Variants in BCL11A observed in about 807,000 individuals in gnomAD.
BCL11A encodes the protein BCL11 transcription factor A.
Under a neutral mutation model 55.9 loss-of-function variants are expected in BCL11A, and 2 were observed. That is an observed-to-expected ratio of 0.04 (90% CI 0.01 to 0.11). BCL11A has a LOEUF of 0.11. BCL11A is among the 10% of genes least tolerant of loss of function. BCL11A has a pLI of 1.00. For missense variants in BCL11A, 817 were observed against 1,137.1 expected (o/e 0.72, Z 4.05); for synonymous variants, 465 against 473.4 (o/e 0.98, Z 0.23).
rs898789738 is a variant in BCL11A, at chr2:60,486,702, A to G, written c.386-17869T>C. ...ACTCAACATCAGGATTGGGCCTGAAACTTCTCTCAGGAAGGCCTTGATAGC... is the reference window on the plus strand; with the variant it reads ...ACTCAACATCAGGATTGGGCCTGAAGCTTCTCTCAGGAAGGCCTTGATAGC... On this transcript the variant is annotated intron_variant, in intron 2 of 3. Coordinates refer to ENST00000642384, the MANE Select transcript of BCL11A (RefSeq NM_022893.4). Among the ~76,000 whole-genome samples the G allele has an allele frequency of 2.6e-5, 4 of 152,212 alleles. 1 individual carries two copies. The highest frequency in any genetic ancestry group is 9.7e-5 in the African/African-American group (4 of 41,442).
chr2:60,478,491 G>A (rs1677760550), intron 2 of BCL11A, among the ~76,000 whole-genome samples: 1 of 152,196 alleles, frequency 6.6e-6, no homozygotes, highest in Non-Finnish European at 1.5e-5. Context: ...TGGACTTCAG[G>A]GGAAGCGTGG....
intron 2 of BCL11A, among the ~76,000 whole-genome samples, chr2:60,529,194 C>A (rs1185915650): frequency 2.0e-5 from 3 of 152,192 alleles, no homozygotes; most frequent in Non-Finnish European, 1.5e-5. Flanking sequence ...ACTTTGAGAC[C>A]CCAGGAGCAC....
chr2:60,541,735 T>C (rs1436569002), intron 2 of BCL11A: 1 of 520,316 alleles, frequency 1.9e-6, no homozygotes, highest in Non-Finnish European at 3.4e-6. Flanking sequence ...ATATTGTTTT[T>C]TGTGGTAGTG....
chr2:60,510,031 G>C (rs1049195358), intron 2 of BCL11A, among the ~76,000 whole-genome samples: 2 of 151,996 alleles, frequency 1.3e-5, no homozygotes, highest in Non-Finnish European at 2.9e-5. Flanking sequence ...TTTTCCCTTC[G>C]AAGTATGTCC....
intron 2 of BCL11A, among the ~76,000 whole-genome samples, chr2:60,469,368 A>G (rs1282500291): frequency 1.3e-5 from 2 of 152,186 alleles, no homozygotes; most frequent in African/African-American, 4.8e-5. Context: ...TTCCCATGCT[A>G]TATTTATGAT....
intron 2 of BCL11A, chr2:60,534,275 G>A (rs1372466306): frequency 6.6e-6 from 1 of 152,244 alleles, no homozygotes; most frequent in Non-Finnish European, 1.5e-5. Context: ...CAGAGCAGCA[G>A]CTGAATGAGA....
chr2:60,552,360 C>G (rs1321094201), intron 1 of BCL11A, among the ~76,000 whole-genome samples: 1 of 152,048 alleles, frequency 6.6e-6, no homozygotes, highest in Non-Finnish European at 1.5e-5. Context: ...AGTCCGGGCT[C>G]CCTCCCTCCC....
chr2:60,473,888 T>C (rs1478707794), intron 2 of BCL11A, among the ~76,000 whole-genome samples: 2 of 152,232 alleles, frequency 1.3e-5, no homozygotes, highest in Non-Finnish European at 2.9e-5. Context: ...GCATTTTTTT[T>C]CCTTCATTGC....
downstream of BCL11A, chr2:60,457,155 A>T: frequency 1.3e-6 from 1 of 754,044 alleles, no homozygotes; most frequent in Non-Finnish European, 1.6e-6. Context: ...CAAGTAATTT[A>T]CAGAGTGTGT....
At chr2:60,548,548 C>T (rs1280647388) in intron 1 of BCL11A, among the ~76,000 whole-genome samples, 2 of 152,168 alleles carry the variant, frequency 1.3e-5, no homozygotes, top group Admixed American at 1.3e-4. Context: ...TACACCTCCA[C>T]ATTTCACCTA....
intron 2 of BCL11A, among the ~76,000 whole-genome samples, chr2:60,506,638 C>A (rs1177974176): frequency 6.6e-6 from 1 of 152,124 alleles, no homozygotes; most frequent in Non-Finnish European, 1.5e-5. Context: ...AGGCAGCTCA[C>A]TAAGAAAACG....
intron 2 of BCL11A, among the ~76,000 whole-genome samples, chr2:60,503,328 C>G (rs1194377802): frequency 6.6e-6 from 1 of 152,186 alleles, no homozygotes; most frequent in African/African-American, 2.4e-5. Context: ...CCTCACTTCT[C>G]CAGGCATTGT....
intron 2 of BCL11A, chr2:60,528,294 C>G (rs150078276): frequency 2.0e-5 from 3 of 152,532 alleles, no homozygotes; most frequent in Non-Finnish European, 4.4e-5. Flanking sequence ...CTTAAAAGTC[C>G]GAGCTTAGTT....
At chr2:60,551,312 C>G (rs2104789066) in intron 1 of BCL11A, among the ~76,000 whole-genome samples, 1 of 152,374 alleles carries the variant, frequency 6.6e-6, no homozygotes, top group African/African-American at 2.4e-5. Flanking sequence ...GAACCTCAGA[C>G]CAAGCCAGGC....
At chr2:60,494,707 T>A (rs926696210) in intron 2 of BCL11A, among the ~76,000 whole-genome samples, 1 of 152,198 alleles carries the variant, frequency 6.6e-6, no homozygotes, top group Non-Finnish European at 1.5e-5. Context: ...TCATAGGGTT[T>A]GTATGAAAAT....
intron 2 of BCL11A, among the ~76,000 whole-genome samples, chr2:60,492,835 C>A (rs766432): frequency 0.8 from 122,296 of 152,128 alleles, 49,447 homozygotes; most frequent in South Asian, 0.85. Context: ...TTAAGGTATA[C>A]TTTACATACA....
intron 2 of BCL11A, among the ~76,000 whole-genome samples, chr2:60,515,683 G>A (rs1280964368): frequency 6.6e-6 from 1 of 152,218 alleles, no homozygotes; most frequent in East Asian, 1.9e-4. Flanking sequence ...CTGAAACACA[G>A]CCCAGTGCTT....
intron 2 of BCL11A, among the ~76,000 whole-genome samples, chr2:60,502,055 A>G (rs1679320942): frequency 6.6e-6 from 1 of 152,236 alleles, no homozygotes; most frequent in South Asian, 2.1e-4. Context: ...AGGCCAGACC[A>G]AAAATATGCC....
intron 2 of BCL11A, among the ~76,000 whole-genome samples, chr2:60,477,003 C>T (rs1429625600): frequency 1.3e-5 from 2 of 152,236 alleles, no homozygotes; most frequent in East Asian, 1.9e-4. Flanking sequence ...TTCTGTCACC[C>T]GAATTGTCCA....
Sources: gnomAD v4.1 joint callset for allele counts (sites outside exome capture counted in the v4.1 genomes callset) on GRCh38, gnomAD v4.1.1 for gene constraint, MANE v1.5 for transcripts, NCBI Gene and HGNC (gene_info 2026-07-23, HGNC 2026-07-21) for gene names.